Variants in CEMIP observed in about 807,000 individuals in gnomAD.
The protein encoded by CEMIP is cell migration inducing hyaluronidase 1.
In CEMIP, 105 loss-of-function variants were observed where a neutral mutation model predicts 156.9. That is an observed-to-expected ratio of 0.67 (90% confidence interval 0.57 to 0.79). CEMIP has a LOEUF of 0.79. Among genes scored for constraint, CEMIP ranks in the 30% least tolerant of loss-of-function variants. The pLI, the probability that CEMIP is intolerant of heterozygous loss-of-function variation, is 0.00. For synonymous variants in CEMIP, 676 were observed against 668.4 expected, an observed-to-expected ratio of 1.01 and a Z score of -0.17; for missense variants, 1,457 against 1,769.4, an observed-to-expected ratio of 0.82 and a Z score of 3.17.
intron 1 of CEMIP, among the ~76,000 whole-genome samples, chr15:80,870,489 C>T (rs939035362): frequency 2.6e-5 from 4 of 152,152 alleles, no homozygotes; most frequent in Admixed American, 2.6e-4. Context: ...TCAGGAGGCT[C>T]CTGTAACACT....
chr15:80,813,239 T>G (rs1472933139), intron 1 of CEMIP, among the ~76,000 whole-genome samples: 1 of 152,130 alleles, frequency 6.6e-6, no homozygotes, highest in South Asian at 2.1e-4. Flanking sequence ...GAGGGTTAAA[T>G]GAGTTCATGC....
At position 80,879,787 on chromosome 15, in the gene CEMIP, G is replaced by A; in HGVS notation, c.313G>A (p.Gly105Arg). Reference sequence around the variant, plus strand: ...CCGGCACATCCTGATTGACAACGGAGGAGAGCTGCATGCTGGGAGTGCCCT... The same window carrying A: ...CCGGCACATCCTGATTGACAACGGAAGAGAGCTGCATGCTGGGAGTGCCCT... ...RTRHILIDNGGELHAGSALCP... is the reference protein window; with the variant it reads ...RTRHILIDNGRELHAGSALCP... The change falls in exon 5 of 30, where the codon GGA (glycine) becomes AGA (arginine). Residue 105 changes from glycine (G) to arginine (R), a missense_variant. Gly to Arg is a moderately radical substitution (Grantham distance 125). Transcript: ENST00000394685. The A allele has an allele frequency of 1.2e-6, 2 of 1,614,192 alleles. No homozygotes were observed. Among genetic ancestry groups the A allele is most frequent in the Non-Finnish European group, 1.7e-6 (2 of 1,180,028 alleles).
intron 18 of CEMIP, among the ~76,000 whole-genome samples, chr15:80,925,372 GT>G (rs1371896841): frequency 2.6e-5 from 4 of 152,230 alleles, no homozygotes; most frequent in Non-Finnish European, 4.4e-5. Context: ...TGTCCTCTGT[GT>G]TTTGGCCCCA....
intron 1 of CEMIP, among the ~76,000 whole-genome samples, chr15:80,847,425 C>T (rs749482141): frequency 5.9e-5 from 9 of 152,170 alleles, no homozygotes; most frequent in Non-Finnish European, 1.3e-4. Flanking sequence ...CATCAATAAA[C>T]CAAATGTGAG....
chr15:80,851,191 G>A (rs1250393729), intron 1 of CEMIP, among the ~76,000 whole-genome samples: 2 of 152,182 alleles, frequency 1.3e-5, no homozygotes, highest in African/African-American at 4.8e-5. Flanking sequence ...AGGAGGGGAG[G>A]CAGGCAGACA....
chr15:80,894,855 T>C, intron 10 of CEMIP, 135 bp from the exon 11 acceptor site: 1 of 1,065,280 alleles, frequency 9.4e-7, no homozygotes, highest in African/African-American at 1.6e-5. Flanking sequence ...GGGATAATCA[T>C]CTCGGGCCGT....
chr15:80,807,230 A>ATTT (rs5814038), intron 1 of CEMIP, among the ~76,000 whole-genome samples: 80 of 139,108 alleles, frequency 5.8e-4, no homozygotes, highest in Admixed American at 1.6e-3. Flanking sequence ...TCTAGAGAGG[A>ATTT]TTTTTTTTTT....
At chr15:80,842,735 A>G (rs1897456475) in intron 1 of CEMIP, among the ~76,000 whole-genome samples, 1 of 152,152 alleles carries the variant, frequency 6.6e-6, no homozygotes, top group African/African-American at 2.4e-5. Flanking sequence ...TCCATCTCAA[A>G]AAAAAAGAGA....
chr15:80,884,960 T>G (rs974560492), intron 7 of CEMIP, among the ~76,000 whole-genome samples: 2 of 152,158 alleles, frequency 1.3e-5, no homozygotes, highest in African/African-American at 4.8e-5. Flanking sequence ...GACGTGCTTG[T>G]TTGTTACCTA....
At chr15:80,897,027 T>C (rs899559797) in intron 12 of CEMIP, among the ~76,000 whole-genome samples, 7 of 152,088 alleles carry the variant, frequency 4.6e-5, no homozygotes, top group Non-Finnish European at 1.0e-4. Flanking sequence ...ACCCTTTGGC[T>C]AGGAAAGGCA....
At chr15:80,896,460 C>A in intron 12 of CEMIP, 1 of 438,870 alleles carries the variant, frequency 2.3e-6, no homozygotes. Context: ...TGGTAAAGCA[C>A]AACACAAATA....
chr15:80,918,197 C>T (rs111800323), intron 14 of CEMIP, among the ~76,000 whole-genome samples: 3,856 of 152,102 alleles, frequency 0.025, 78 homozygotes, highest in Non-Finnish European at 0.038. Context: ...ATGGTTTGAG[C>T]TCAGGAGGCA....
chr15:80,817,878 G>A (rs546490057), intron 1 of CEMIP, among the ~76,000 whole-genome samples: 1 of 152,178 alleles, frequency 6.6e-6, no homozygotes, highest in African/African-American at 2.4e-5. Context: ...AAAATTATAT[G>A]ATCAGAGCAT....
At chr15:80,919,871 T>C (rs1054481383) in intron 14 of CEMIP, among the ~76,000 whole-genome samples, 4 of 152,118 alleles carry the variant, frequency 2.6e-5, no homozygotes, top group Non-Finnish European at 5.9e-5. Flanking sequence ...GGCCTATCAC[T>C]TGTGTCATCT....
chr15:80,881,528 A>G (rs1344027749), intron 6 of CEMIP, among the ~76,000 whole-genome samples: 1 of 151,704 alleles, frequency 6.6e-6, no homozygotes, highest in African/African-American at 2.4e-5. Flanking sequence ...TGTTCAAGAC[A>G]GACAGCAAGT....
intron 1 of CEMIP, among the ~76,000 whole-genome samples, chr15:80,785,032 A>G (rs1895894765): frequency 6.6e-6 from 1 of 152,208 alleles, no homozygotes; most frequent in African/African-American, 2.4e-5. Flanking sequence ...TCTTATCAGC[A>G]GACTAAATAT....
intron 21 of CEMIP, among the ~76,000 whole-genome samples, 158 bp downstream of exon 21, chr15:80,929,332 T>A (rs533403611): frequency 6.6e-6 from 1 of 152,218 alleles, no homozygotes; most frequent in Non-Finnish European, 1.5e-5. Flanking sequence ...AATTAAGGGA[T>A]GAAATCTGGA....
intron 12 of CEMIP, among the ~76,000 whole-genome samples, chr15:80,900,612 G>GTA (rs1899455738): frequency 7.0e-6 from 1 of 143,002 alleles, no homozygotes; most frequent in Non-Finnish European, 1.5e-5. Flanking sequence ...GTGTGTGTGT[G>GTA]TGTGTGTGTG....
At chr15:80,816,378 A>G (rs1161753152) in intron 1 of CEMIP, among the ~76,000 whole-genome samples, 2 of 152,246 alleles carry the variant, frequency 1.3e-5, no homozygotes, top group South Asian at 4.1e-4. Context: ...GTCTGTCTGG[A>G]TGTTTCCTCG....
Sources: allele counts gnomAD v4.1 joint callset (sites outside exome capture counted in the v4.1 genomes callset), GRCh38; gene constraint gnomAD v4.1.1; transcripts MANE v1.5; gene names NCBI Gene and HGNC (gene_info 2026-07-23, HGNC 2026-07-21).